Variants in ANKRD30B observed in about 807,000 individuals in gnomAD.
ANKRD30B encodes the protein ankyrin repeat domain 30B, also known as ankyrin repeat domain-containing protein 30B.
In ANKRD30B, 144 loss-of-function variants were observed where a neutral mutation model predicts 202.2. The ratio of observed to expected loss-of-function variants is 0.71; its 90% CI spans 0.62 to 0.82. ANKRD30B has a LOEUF of 0.82. Among genes scored for constraint, ANKRD30B ranks in the 40% least tolerant of loss-of-function variants. The probability of loss-of-function intolerance (pLI) is 0.00; values close to 1 mark genes in which losing one functional copy is unlikely to be tolerated. For missense variants in ANKRD30B, 1,487 were observed against 1,669.1 expected (o/e 0.89, Z 1.90); for synonymous variants, 508 against 561.3 (o/e 0.91, Z 1.34).
intron 4 of ANKRD30B, 102 bp downstream of exon 4, chr18:14,755,107 A>G: frequency 3.0e-6 from 2 of 670,206 alleles, no homozygotes; most frequent in South Asian, 3.7e-5. Flanking sequence ...AGTTAAAATT[A>G]TTAGATTATA....
At position 14,748,470 on chromosome 18, in the gene ANKRD30B, C is replaced by G; in HGVS notation, c.51C>G (p.Pro17=). Residue 17 remains proline (P), a synonymous_variant, in exon 1 of 44, where the codon CCC becomes CCG. Coordinates refer to ENST00000690538, the MANE Select transcript of ANKRD30B (RefSeq NM_001367607.2). ...AAGKGVRGPE[P]PNPFSERVYT... Reference sequence around the variant, plus strand: ...GCAAGGGCGTGCGGGGCCCGGAGCCCCCGAACCCCTTCAGCGAACGGGTCT... The same window carrying G: ...GCAAGGGCGTGCGGGGCCCGGAGCCGCCGAACCCCTTCAGCGAACGGGTCT... 1 of 1,544,898 alleles carries G rather than the reference C, an allele frequency of 6.5e-7. No individual in the cohort carries two copies. Among genetic ancestry groups the G allele is most frequent in the Non-Finnish European group, 8.7e-7 (1 of 1,143,148 alleles).
chr18:14,752,273 G>T (rs9303856), intron 1 of ANKRD30B, among the ~76,000 whole-genome samples: 150,841 of 152,202 alleles, frequency 0.99, 74,755 homozygotes, highest in Middle Eastern at 1. Flanking sequence ...GATGAGAAAA[G>T]CGAGGTGCAG....
chr18:14,805,842 C>CAT (rs1969476640), intron 24 of ANKRD30B, among the ~76,000 whole-genome samples: 1 of 149,580 alleles, frequency 6.7e-6, no homozygotes, highest in South Asian at 2.1e-4. Flanking sequence ...TTGCAAAAAT[C>CAT]ATATATAAAT....
chr18:14,840,828 T>C (rs1971390606), intron 37 of ANKRD30B, 150 bp downstream of exon 37: 3 of 489,598 alleles, frequency 6.1e-6, no homozygotes, highest in Admixed American at 7.5e-5. Flanking sequence ...TCTTCTCAGA[T>C]GTTGGCAACA....
chr18:14,791,805 G>A (rs1473479042), intron 16 of ANKRD30B, among the ~76,000 whole-genome samples: 6 of 152,102 alleles, frequency 3.9e-5, no homozygotes, highest in African/African-American at 1.2e-4. Context: ...CAGAGAGGAC[G>A]GGAAGGAACA....
chr18:14,788,705 C>G (rs1260834373), intron 15 of ANKRD30B, among the ~76,000 whole-genome samples: 2 of 152,020 alleles, frequency 1.3e-5, no homozygotes, highest in Non-Finnish European at 2.9e-5. Context: ...TCATCCATGT[C>G]CCTACAAAGG....
chr18:14,881,022 C>T, the ANKRD30B span, among the ~76,000 whole-genome samples: 1 of 152,142 alleles, frequency 6.6e-6, no homozygotes, highest in East Asian at 1.9e-4. Flanking sequence ...AAGGTCATAT[C>T]GTCAGCAACC....
At chr18:14,940,363 C>T in the ANKRD30B span, among the ~76,000 whole-genome samples, 1 of 152,130 alleles carries the variant, frequency 6.6e-6, no homozygotes, top group Non-Finnish European at 1.5e-5. Context: ...GCTGTGGAGC[C>T]CCCAGAGTGG....
intron 5 of ANKRD30B, 78 bp downstream of exon 5, chr18:14,758,030 C>T: frequency 6.8e-7 from 1 of 1,466,798 alleles, no homozygotes; most frequent in Non-Finnish European, 9.1e-7. Context: ...TGACTTAGTT[C>T]ACTTCATCAG....
chr18:14,777,505 C>G (rs1215249549), intron 9 of ANKRD30B, among the ~76,000 whole-genome samples: 1 of 151,486 alleles, frequency 6.6e-6, no homozygotes, highest in Non-Finnish European at 1.5e-5. Context: ...ACCAAGTTGG[C>G]CAGGGTAGTC....
intron 16 of ANKRD30B, among the ~76,000 whole-genome samples, chr18:14,794,422 T>A (rs1968735471): frequency 6.6e-6 from 1 of 151,564 alleles, no homozygotes; most frequent in Admixed American, 6.6e-5. Flanking sequence ...ATTTTCTTCA[T>A]AAAGGAAAAT....
the ANKRD30B span, among the ~76,000 whole-genome samples, chr18:14,921,967 AC>A: frequency 1.3e-5 from 2 of 152,194 alleles, no homozygotes; most frequent in Admixed American, 1.3e-4. Flanking sequence ...ATACACACAA[AC>A]AAAAACAAAC....
At chr18:14,831,275 T>G in intron 33 of ANKRD30B, 108 bp from the exon 34 acceptor site, 1 of 680,840 alleles carries the variant, frequency 1.5e-6, no homozygotes, top group Non-Finnish European at 2.5e-6. Context: ...TTTCCCCAGA[T>G]TTTGTTTTTT....
At chr18:14,868,130 G>A in the ANKRD30B span, among the ~76,000 whole-genome samples, 1 of 152,294 alleles carries the variant, frequency 6.6e-6, no homozygotes, top group Non-Finnish European at 1.5e-5. Flanking sequence ...CATGGAGGGT[G>A]ACAGCAGCGC....
At chr18:14,901,374 A>G in the ANKRD30B span, among the ~76,000 whole-genome samples, 1 of 152,340 alleles carries the variant, frequency 6.6e-6, no homozygotes, top group African/African-American at 2.4e-5. Context: ...TTAGGTAAAA[A>G]CTTACAAAAC....
the ANKRD30B span, among the ~76,000 whole-genome samples, chr18:14,898,552 T>C: frequency 6.6e-6 from 1 of 152,186 alleles, no homozygotes; most frequent in Non-Finnish European, 1.5e-5. Context: ...TGGGGACTCC[T>C]GCCGCAAACT....
At chr18:14,916,850 G>T in the ANKRD30B span, among the ~76,000 whole-genome samples, 2 of 152,166 alleles carry the variant, frequency 1.3e-5, no homozygotes, top group East Asian at 3.9e-4. Context: ...CCTGCAAAGT[G>T]AGCACTGTCA....
intron 34 of ANKRD30B, among the ~76,000 whole-genome samples, chr18:14,833,947 T>C (rs1215388840): frequency 6.6e-6 from 1 of 152,228 alleles, no homozygotes; most frequent in Non-Finnish European, 1.5e-5. Flanking sequence ...GTCTCAATTG[T>C]CAGCATATTT....
intron 33 of ANKRD30B, among the ~76,000 whole-genome samples, chr18:14,828,969 T>A (rs987518786): frequency 6.6e-6 from 1 of 152,212 alleles, no homozygotes; most frequent in Non-Finnish European, 1.5e-5. Context: ...TATAGAATTC[T>A]CTATTTACTG....
Sources: gnomAD v4.1 joint callset for allele counts (sites outside exome capture counted in the v4.1 genomes callset) on GRCh38, gnomAD v4.1.1 for gene constraint, MANE v1.5 for transcripts, NCBI Gene and HGNC (gene_info 2026-07-23, HGNC 2026-07-21) for gene names.